The following ZNF385D variants were observed in gnomAD, a reference collection of about 807,000 sequenced individuals.
The protein encoded by ZNF385D is zinc finger protein 385D.
A neutral mutation model predicts 35.8 loss-of-function variants in ZNF385D; 15 were observed. That is an observed-to-expected ratio of 0.42 (90% confidence interval 0.28 to 0.64). ZNF385D has a LOEUF of 0.64. Among genes scored for constraint, ZNF385D ranks in the 30% least tolerant of loss-of-function variants. ZNF385D has a pLI of 0.23. For synonymous variants in ZNF385D, 212 were observed against 186.8 expected, an observed-to-expected ratio of 1.13 and a Z score of -1.10; for missense variants, 474 against 494.6, an observed-to-expected ratio of 0.96 and a Z score of 0.39.
At chr3:21,671,928 T>C (rs772646292) in intron 1 of ZNF385D, among the ~76,000 whole-genome samples, 2 of 152,168 alleles carry the variant, frequency 1.3e-5, no homozygotes, top group Non-Finnish European at 2.9e-5. Flanking sequence ...CAAATATGTT[T>C]CAAAACCCCT....
At chr3:22,369,531 A>T (rs753238713) in intron 2 of ZNF385D, among the ~76,000 whole-genome samples, 2 of 152,194 alleles carry the variant, frequency 1.3e-5, no homozygotes, top group Non-Finnish European at 2.9e-5. Flanking sequence ...TTTATTGGAA[A>T]CAGTAAGATA....
At chr3:21,520,525 G>A (rs1350050930) in intron 3 of ZNF385D, among the ~76,000 whole-genome samples, 1 of 152,100 alleles carries the variant, frequency 6.6e-6, no homozygotes, top group Non-Finnish European at 1.5e-5. Flanking sequence ...ACACTTCAGG[G>A]GATTTTTATG....
chr3:21,466,508 C>T (rs918488940), intron 4 of ZNF385D, among the ~76,000 whole-genome samples: 2 of 152,064 alleles, frequency 1.3e-5, no homozygotes, highest in African/African-American at 4.8e-5. Flanking sequence ...GCTAGAAACC[C>T]CTCCTGCATA....
chr3:22,203,583 A>G (rs1696950425), intron 2 of ZNF385D, among the ~76,000 whole-genome samples: 1 of 152,074 alleles, frequency 6.6e-6, no homozygotes, highest in South Asian at 2.1e-4. Flanking sequence ...TGGCTCTTGG[A>G]TGGCATTTGT....
chr3:22,211,755 C>T (rs948271904), intron 2 of ZNF385D, among the ~76,000 whole-genome samples: 2 of 151,866 alleles, frequency 1.3e-5, no homozygotes, highest in Non-Finnish European at 2.9e-5. Flanking sequence ...CCTGGTGGTA[C>T]CTGACTGTCA....
intron 3 of ZNF385D, among the ~76,000 whole-genome samples, chr3:22,104,327 G>GA (rs35937307): frequency 4.6e-5 from 7 of 151,794 alleles, no homozygotes; most frequent in Non-Finnish European, 8.8e-5. Flanking sequence ...AAGGCTCCTT[G>GA]AAAAAAAGGA....
chr3:21,779,258 T>C (rs575324395), intron 3 of ZNF385D, among the ~76,000 whole-genome samples: 4 of 152,034 alleles, frequency 2.6e-5, no homozygotes, highest in Admixed American at 1.3e-4. Flanking sequence ...CAAAACAAAA[T>C]TGAGCAGATT....
In ZNF385D at chr3:21,511,614, C is replaced by T. The variant is rs1335233104; in HGVS notation, c.277-591G>A. ...GGCAATTTCAGATTCTTTCTCCTCACTTCTTACCAAGGGTAGTCTGAGAAG... is the reference window on the plus strand; with the variant it reads ...GGCAATTTCAGATTCTTTCTCCTCATTTCTTACCAAGGGTAGTCTGAGAAG... On this transcript the variant is annotated intron_variant, in intron 3 of 7. Coordinates refer to ENST00000281523, the MANE Select transcript of ZNF385D (RefSeq NM_024697.3). 1.1e-5 allele frequency: 5 copies of T among 444,336 alleles called. No homozygotes were observed. In the East Asian group the frequency reaches 3.5e-4, roughly 31 times the overall value. The allele number at this position is 444,336 out of a possible 1,614,324, so 27.5% of individuals were successfully genotyped here.
intron 3 of ZNF385D, chr3:21,542,745 G>T (rs2125567102): frequency 6.6e-6 from 1 of 152,324 alleles, no homozygotes; most frequent in East Asian, 1.9e-4. Context: ...TCCTCTTCCT[G>T]TGTGGAACCT....
intron 3 of ZNF385D, among the ~76,000 whole-genome samples, chr3:21,516,332 C>T (rs1707560668): frequency 6.6e-6 from 1 of 152,134 alleles, no homozygotes; most frequent in African/African-American, 2.4e-5. Context: ...CAATAGGAGA[C>T]CAGAATATTC....
At chr3:21,660,202 A>G (rs2066196073) in intron 2 of ZNF385D, among the ~76,000 whole-genome samples, 2 of 152,092 alleles carry the variant, frequency 1.3e-5, no homozygotes, top group South Asian at 4.1e-4. Flanking sequence ...ACAGAGGAGC[A>G]GCACAGAGTA....
At chr3:21,734,879 T>A (rs946158317) in intron 1 of ZNF385D, among the ~76,000 whole-genome samples, 1 of 152,090 alleles carries the variant, frequency 6.6e-6, no homozygotes, top group African/African-American at 2.4e-5. Context: ...TCATTAGGGA[T>A]GATTATTGCA....
chr3:21,431,605 C>G (rs558363899), intron 5 of ZNF385D, among the ~76,000 whole-genome samples: 1 of 152,248 alleles, frequency 6.6e-6, no homozygotes, highest in South Asian at 2.1e-4. Flanking sequence ...GATAGTACAG[C>G]TCCAATATTC....
chr3:22,080,272 T>C (rs1363452970), intron 3 of ZNF385D, among the ~76,000 whole-genome samples: 2 of 152,146 alleles, frequency 1.3e-5, no homozygotes, highest in Admixed American at 1.3e-4. Context: ...ACCAAAGTTC[T>C]AATGATCTTG....
At chr3:22,219,840 T>G (rs1698144839) in intron 2 of ZNF385D, among the ~76,000 whole-genome samples, 1 of 152,160 alleles carries the variant, frequency 6.6e-6, no homozygotes, top group East Asian at 1.9e-4. Flanking sequence ...TGAAGAATTT[T>G]CCGGTTTCAG....
At chr3:21,632,200 CT>C (rs1262788440) in intron 2 of ZNF385D, among the ~76,000 whole-genome samples, 2 of 151,912 alleles carry the variant, frequency 1.3e-5, no homozygotes, top group Non-Finnish European at 2.9e-5. Context: ...CTCAGAGAGC[CT>C]ATTTTTAGTG....
intron 2 of ZNF385D, 82 bp from the exon 3 acceptor site, chr3:21,564,766 C>A (rs950146253): frequency 4.2e-6 from 3 of 711,834 alleles, no homozygotes; most frequent in East Asian, 2.8e-5. Flanking sequence ...CATTAAAGAA[C>A]CAATCTGTAC....
Position 21,510,895 on chromosome 3 carries a change from A to C in ZNF385D, c.405T>G (p.Thr135=). 6.2e-7 allele frequency: 1 copy of C among 1,614,082 alleles called. No individual in the cohort carries two copies. The highest frequency in any genetic ancestry group is 8.5e-7 in the Non-Finnish European group (1 of 1,179,950). ...CAGAGCTGGTATTGATGGTATTGGT[A>C]GTGATGGAGGTGAAGGTAGTCTTTG... The part of the protein sequence containing the change: ...DSAKTTFTSI[T]TNTINTSSDK... Residue 135 remains threonine, a synonymous_variant, in exon 4 of 8, where the codon ACT becomes ACG. Coordinates refer to ENST00000281523, the MANE Select transcript of ZNF385D (RefSeq NM_024697.3).
chr3:21,520,210 G>A (rs1460141650), intron 3 of ZNF385D, among the ~76,000 whole-genome samples: 1 of 152,166 alleles, frequency 6.6e-6, no homozygotes, highest in Admixed American at 6.5e-5. Context: ...CCTTCTCCAT[G>A]TAGTCTTAGG....
Sources: gnomAD v4.1 joint callset for allele counts (sites outside exome capture counted in the v4.1 genomes callset) on GRCh38, gnomAD v4.1.1 for gene constraint, MANE v1.5 for transcripts, NCBI Gene and HGNC (gene_info 2026-07-23, HGNC 2026-07-21) for gene names.